RABGGTB: variants seen among roughly 807,000 people sequenced by gnomAD.
RABGGTB encodes the protein Rab geranylgeranyltransferase subunit beta.
Under a neutral mutation model 44.5 loss-of-function variants are expected in RABGGTB, and 20 were observed. That is an observed-to-expected ratio of 0.45 (90% CI 0.32 to 0.65). The LOEUF is 0.65. Among genes scored for constraint, RABGGTB ranks in the 30% least tolerant of loss-of-function variants. RABGGTB has a pLI of 0.05. For missense variants in RABGGTB, 302 were observed against 398.7 expected, an observed-to-expected ratio of 0.76 and a Z score of 2.06; for synonymous variants, 128 against 136.7, an observed-to-expected ratio of 0.94 and a Z score of 0.44.
chr1:75,789,093 G>A, intron 2 of RABGGTB, 66 bp from the exon 3 acceptor site: 1 of 1,453,814 alleles, frequency 6.9e-7, no homozygotes, highest in South Asian at 1.2e-5. Context: ...TTACCTTTGT[G>A]TTTAATCTCT....
At position 75,790,179 on chromosome 1, in the gene RABGGTB, A is replaced by G. The variant is rs200649214; in HGVS notation, c.415+122A>G. 8 of 1,497,072 alleles carry G rather than the reference A, an allele frequency of 5.3e-6. No homozygotes were observed. In the East Asian group the frequency reaches 1.9e-4, roughly 35 times the overall value. The allele number at this position is 1,497,072 out of a possible 1,614,324, so 92.7% of individuals were successfully genotyped here. On this transcript the variant is annotated intron_variant, in intron 4 of 8. Coordinates refer to ENST00000319942, the MANE Select transcript of RABGGTB (RefSeq NM_004582.4). Reference sequence around the variant, plus strand: ...CCCACTAAGCAGCTGGTCTAACTGGAGTTAATGGTCTGCTGGAACTTCCAG... The same window carrying G: ...CCCACTAAGCAGCTGGTCTAACTGGGGTTAATGGTCTGCTGGAACTTCCAG...
Position 75,787,918 on chromosome 1 carries a change from G to T in RABGGTB, c.111+314G>T, listed in dbSNP as rs146463689. ...AATGATGTGTTGGCATGTATTATCTGAATCTATTGCTGATGTGTAATAACA... is the reference window on the plus strand; with the variant it reads ...AATGATGTGTTGGCATGTATTATCTTAATCTATTGCTGATGTGTAATAACA... On this transcript the variant is annotated intron_variant, in intron 2 of 8. Transcript: ENST00000319942. The T allele has an allele frequency of 6.3e-5, 37 of 584,666 alleles. No homozygotes were observed. In the African/African-American group the frequency reaches 6.8e-4, roughly 11 times the overall value. The allele number at this position is 584,666 out of a possible 1,614,324, so 36.2% of individuals were successfully genotyped here.
At chr1:75,790,236 AG>A (rs1375024395) in intron 4 of RABGGTB, 179 bp downstream of exon 4, 1 of 1,339,494 alleles carries the variant, frequency 7.5e-7, no homozygotes, top group East Asian at 2.8e-5. Context: ...CAGCATATAC[AG>A]GAGCACTGGA....
rs1282079012 is a variant in RABGGTB at position 75,791,511 on chromosome 1, C to T, written c.519C>T (p.Ser173=). The change falls in exon 6 of 9, where the codon TCC becomes TCT. Residue 173 remains serine (S), a synonymous_variant. Coordinates refer to ENST00000319942, the MANE Select transcript of RABGGTB (RefSeq NM_004582.4). ...NVEKAIEFVL[S]CMNFDGGFGC... is the part of the protein sequence containing the mutation. ...AAAAGGCAATCGAATTTGTTTTATC[C>T]TGTATGAACTTTGACGGTGGATTTG... The T allele has an allele frequency of 1.2e-6, 2 of 1,613,240 alleles. No homozygotes were observed. The highest frequency in any genetic ancestry group is 3.3e-5 in the Admixed American group (2 of 59,950).
chr1:75,787,408 A>G (rs1399936829), intron 1 of RABGGTB, 89 bp from the exon 2 acceptor site: 1 of 968,256 alleles, frequency 1.0e-6, no homozygotes, highest in East Asian at 2.5e-5. Context: ...AAATCAAGTG[A>G]AAATTGAGAT....
chr1:75,787,707 C>T lies in RABGGTB; in HGVS notation c.111+103C>T, dbSNP rs1003391502. On this transcript the variant is annotated intron_variant, in intron 2 of 8. Transcript: ENST00000319942. ...TCTTAAAATGGCATCCAACTCCATG[C>T]AGAGAACTGAGGATGTGCTGTGCCT... is the stretch of plus-strand genomic sequence containing the variant. 1.0e-4 allele frequency: 93 copies of T among 902,948 alleles called. No individual in the cohort carries two copies. In the South Asian group the frequency reaches 1.2e-3, roughly 12 times the overall value. The allele number at this position is 902,948 out of a possible 1,614,324, so 55.9% of individuals were successfully genotyped here.
Position 75,791,266 on chromosome 1 carries a change from T to C in RABGGTB, c.416-19T>C, listed in dbSNP as rs1458825759. The C allele has an allele frequency of 3.8e-6, 6 of 1,597,736 alleles. No homozygotes were observed. In the Admixed American group the frequency reaches 8.3e-5, roughly 22 times the overall value. ...TGATTTGGTAACACCTGCCTTGATTTGATCTATTTTTATTGTAGGAGAAAT... is the reference window on the plus strand; with the variant it reads ...TGATTTGGTAACACCTGCCTTGATTCGATCTATTTTTATTGTAGGAGAAAT... On this transcript the variant is annotated intron_variant, in intron 4 of 8. Coordinates refer to ENST00000319942, the MANE Select transcript of RABGGTB (RefSeq NM_004582.4).
At chr1:75,788,062 T>C (rs1271566893) in intron 2 of RABGGTB, 2 of 398,434 alleles carry the variant, frequency 5.0e-6, no homozygotes, top group East Asian at 6.9e-5. Context: ...TAAGAGTAAA[T>C]GTTTTTCCCT....
intron 4 of RABGGTB, chr1:75,790,352 AT>A (rs1043883865): frequency 3.0e-5 from 35 of 1,155,046 alleles, no homozygotes; most frequent in Non-Finnish European, 3.5e-5. Context: ...AGGGAAAAAT[AT>A]TTAAAAAAAA....
In RABGGTB at chr1:75,788,975, G is replaced by A. The variant is rs78245785; in HGVS notation, c.112-184G>A. 8.5e-6 allele frequency: 5 copies of A among 589,132 alleles called. No individual in the cohort carries two copies. In the Admixed American group the frequency reaches 9.5e-5, roughly 11 times the overall value. The allele number at this position is 589,132 out of a possible 1,614,324, so 36.5% of individuals were successfully genotyped here. A position where few individuals can be genotyped will look rare whatever the true frequency, so the allele number is the denominator to read the frequency against. On this transcript the variant is annotated intron_variant, in intron 2 of 8. Coordinates refer to ENST00000319942, the MANE Select transcript of RABGGTB (RefSeq NM_004582.4). ...AGATAATTGTTTTTTTCTGATAATA[G>A]TTGTGTCTGAAGATGGCTTCTAACA... is the stretch of plus-strand genomic sequence containing the variant.
chr1:75,790,456 A>G, intron 4 of RABGGTB: 1 of 1,061,624 alleles, frequency 9.4e-7, no homozygotes, highest in Non-Finnish European at 1.1e-6. Context: ...GGATGAACAC[A>G]GTGCAGGCCA....
At chr1:75,789,643 G>A in intron 3 of RABGGTB, 1 of 617,422 alleles carries the variant, frequency 1.6e-6, no homozygotes, top group Non-Finnish European at 3.0e-6. Context: ...CTACCTGGTG[G>A]TTTAAAGTCT....
intron 6 of RABGGTB, chr1:75,791,813 C>A: frequency 4.5e-6 from 2 of 447,322 alleles, no homozygotes; most frequent in East Asian, 3.6e-5. Context: ...CACCAAAACA[C>A]TTTTGTTTTC....
chr1:75,787,442 G>A, intron 1 of RABGGTB, 55 bp from the exon 2 acceptor site: 1 of 1,286,310 alleles, frequency 7.8e-7, no homozygotes, highest in South Asian at 1.2e-5. Context: ...ATGCTGTGGG[G>A]CAGAAGAACG....
chr1:75,792,107 TTAA>T (rs1283364765), intron 6 of RABGGTB, 71 bp from the exon 7 acceptor site: 96 of 1,329,838 alleles, frequency 7.2e-5, no homozygotes, highest in Non-Finnish European at 9.7e-5. Flanking sequence ...AAGTGGTGTT[TTAA>T]TAATTTGAGT....
intron 6 of RABGGTB, 65 bp downstream of exon 6, chr1:75,791,636 A>G: frequency 7.2e-7 from 1 of 1,390,144 alleles, no homozygotes; most frequent in Non-Finnish European, 1.0e-6. Context: ...AAATAAGAAA[A>G]TTGGTTATTT....
chr1:75,791,861 A>C lies in RABGGTB; in HGVS notation c.579+290A>C, dbSNP rs368923830. ...ACTAACCATACAGATAAAAAAAAAA[A>C]CAACACATTTTTCTTTCTTTCCTAA... On this transcript the variant is annotated intron_variant, in intron 6 of 8. Transcript: ENST00000319942. 2.4e-5 allele frequency: 9 copies of C among 381,658 alleles called. No individual in the cohort carries two copies. In the East Asian group the frequency reaches 3.7e-4, roughly 16 times the overall value. 23.6% of individuals were successfully genotyped at this position (381,658 alleles called of 1,614,324 possible). A position where few individuals can be genotyped will look rare whatever the true frequency, so the allele number is the denominator to read the frequency against.
At position 75,792,445 on chromosome 1, in the gene RABGGTB, T is replaced by G. The variant is rs569471508; in HGVS notation, c.705+139T>G. 5.0e-6 allele frequency: 6 copies of G among 1,200,014 alleles called. No individual in the cohort carries two copies. The Admixed American group carries it at 7.6e-5, about 15-fold the overall frequency. 74.3% of individuals were successfully genotyped at this position (1,200,014 alleles called of 1,614,324 possible). On this transcript the variant is annotated intron_variant, in intron 7 of 8. Transcript: ENST00000319942. ...CCTGTTGTGAATTTTCAGTAATATA[T>G]CCTACTAAAAGACTCCCCTTGACAA...
intron 6 of RABGGTB, 58 bp from the exon 7 acceptor site, chr1:75,792,123 T>A: frequency 1.4e-6 from 2 of 1,453,082 alleles, no homozygotes; most frequent in South Asian, 2.4e-5. Flanking sequence ...ATTTGAGTTT[T>A]ATCACTTTTA....
Sources: gnomAD v4.1 joint callset for allele counts on GRCh38, gnomAD v4.1.1 for gene constraint, MANE v1.5 for transcripts, NCBI Gene and HGNC (gene_info 2026-07-23, HGNC 2026-07-21) for gene names.